Variants in RAI14 observed in about 807,000 individuals in gnomAD.
RAI14 encodes the protein retinoic acid induced 14.
A neutral mutation model predicts 115.4 loss-of-function variants in RAI14; 45 were observed. That is an observed-to-expected ratio of 0.39 (90% CI 0.31 to 0.50). The LOEUF is 0.50. Ranked by LOEUF, RAI14 falls within the 20% of genes least tolerant of loss-of-function variation. The pLI, the probability that RAI14 is intolerant of heterozygous loss-of-function variation, is 0.85. For missense variants in RAI14, 939 were observed against 1,131.2 expected (o/e 0.83, Z 2.44); for synonymous variants, 371 against 415.4 (o/e 0.89, Z 1.30).
intron 2 of RAI14, among the ~76,000 whole-genome samples, chr5:34,690,141 G>A (rs1022097699): frequency 4.6e-5 from 7 of 152,096 alleles, no homozygotes; most frequent in Non-Finnish European, 1.0e-4. Context: ...ACACGTACAT[G>A]TGTATCATGC....
chr5:34,778,912 C>A (rs1751251057), intron 3 of RAI14, among the ~76,000 whole-genome samples: 1 of 151,992 alleles, frequency 6.6e-6, no homozygotes, highest in African/African-American at 2.4e-5. Context: ...CTGGCAGAGA[C>A]ACAACAAAAA....
intron 2 of RAI14, among the ~76,000 whole-genome samples, chr5:34,737,634 C>T (rs1580082853): frequency 6.6e-6 from 1 of 152,018 alleles, no homozygotes; most frequent in South Asian, 2.1e-4. Flanking sequence ...TGGCTTGCAC[C>T]TGTAGTCTCA....
At chr5:34,789,593 CT>C (rs1175807231) in intron 3 of RAI14, among the ~76,000 whole-genome samples, 1 of 152,138 alleles carries the variant, frequency 6.6e-6, no homozygotes, top group Non-Finnish European at 1.5e-5. Flanking sequence ...TTTGCCCCTC[CT>C]TTCCCCTCTC....
intron 1 of RAI14, among the ~76,000 whole-genome samples, chr5:34,661,778 C>T (rs1742706943): frequency 6.6e-6 from 1 of 152,162 alleles, no homozygotes; most frequent in African/African-American, 2.4e-5. Context: ...TTCCACACGA[C>T]ATCTGCAGTA....
chr5:34,824,185 T>G lies in RAI14; in HGVS notation c.2343T>G (p.Asp781Glu). ...QLLEEKAAMT[D>E]AMVPRSSYEK... The stretch of plus-strand genomic sequence containing the variant: ...TAGAAGAGAAAGCTGCTATGACTGA[T>G]GCAATGGTACCTCGGTCTTCCTATG... The change falls in exon 15 of 18, where the codon GAT (aspartate) becomes GAG (glutamate). Residue 781 changes from aspartate (D) to glutamate (E), a missense_variant. Transcript: ENST00000265109. 1 of 1,614,200 alleles carries G rather than the reference T, an allele frequency of 6.2e-7. No homozygotes were observed. Among genetic ancestry groups the G allele is most frequent in the Non-Finnish European group, 8.5e-7 (1 of 1,180,026 alleles).
At chr5:34,808,405 A>G (rs1755174301) in intron 6 of RAI14, among the ~76,000 whole-genome samples, 179 bp from the exon 7 acceptor site, 1 of 152,244 alleles carries the variant, frequency 6.6e-6, no homozygotes, top group Non-Finnish European at 1.5e-5. Flanking sequence ...CTCTGAAATT[A>G]AGCAGTAATT....
chr5:34,728,232 T>C (rs1172250913), intron 2 of RAI14, among the ~76,000 whole-genome samples: 1 of 152,186 alleles, frequency 6.6e-6, no homozygotes, highest in Non-Finnish European at 1.5e-5. Context: ...TACTGGCTCA[T>C]GGATGGAAGG....
chr5:34,760,776 G>T (rs1419462337), intron 3 of RAI14, among the ~76,000 whole-genome samples: 1 of 152,120 alleles, frequency 6.6e-6, no homozygotes, highest in African/African-American at 2.4e-5. Context: ...CCATTTTAAA[G>T]TATACAATGT....
rs186293160 is a variant in RAI14 at position 34,779,742 on chromosome 5, G to A, written c.168-16197G>A. On this transcript the variant is annotated intron_variant, in intron 3 of 17. Transcript: ENST00000265109. ...AGAGGACACAAACAAATGGAAGAACGTTCCATGCTGGTGGATAGGAAGAAT... is the reference window on the plus strand; with the variant it reads ...AGAGGACACAAACAAATGGAAGAACATTCCATGCTGGTGGATAGGAAGAAT... Among the ~76,000 whole-genome samples, 425 of 152,180 alleles carry A rather than the reference G, an allele frequency of 2.8e-3. 1 individual carries two copies. The highest frequency in any genetic ancestry group is 4.1e-3 in the Non-Finnish European group (282 of 68,004).
intron 2 of RAI14, among the ~76,000 whole-genome samples, chr5:34,721,537 G>C (rs1305762438): frequency 6.6e-6 from 1 of 151,986 alleles, no homozygotes; most frequent in African/African-American, 2.4e-5. Flanking sequence ...GCTCAAAAAA[G>C]TAAACCTCTG....
Position 34,830,727 on chromosome 5 carries a change from A to G in RAI14, c.2905A>G (p.Ile969Val). The G allele has an allele frequency of 6.2e-7, 1 of 1,614,168 alleles. No individual in the cohort carries two copies. The highest frequency in any genetic ancestry group is 1.7e-5 in the Admixed American group (1 of 60,022). The part of the protein sequence containing the change: ...DEDVQKVLKQ[I>V]LTMCKNQSQK... Reference sequence around the variant, plus strand: ...AGATGTCCAGAAAGTACTGAAGCAAATCCTTACCATGTGTAAAAACCAGTC... The same window carrying G: ...AGATGTCCAGAAAGTACTGAAGCAAGTCCTTACCATGTGTAAAAACCAGTC... The change falls in exon 18 of 18, where the codon ATC becomes GTC. Residue 969 changes from isoleucine (I) to valine (V), a missense_variant. Physicochemically the swap from Ile to Val is conservative, Grantham distance 29. Transcript: ENST00000265109.
chr5:34,776,814 C>CAACAAAAAAAAAAA (rs1750913860), intron 3 of RAI14, among the ~76,000 whole-genome samples: 6 of 105,140 alleles, frequency 5.7e-5, no homozygotes, highest in Non-Finnish European at 1.2e-4. Context: ...ATTAAAAAAA[C>CAACAAAAAAAAAAA]CCACCAAAAC....
At chr5:34,752,703 A>ATATGTGTGTG (rs1554051436) in intron 2 of RAI14, among the ~76,000 whole-genome samples, 4 of 83,012 alleles carry the variant, frequency 4.8e-5, no homozygotes, top group African/African-American at 2.3e-4. Flanking sequence ...TCTTACATAT[A>ATATGTGTGTG]TGTGTGTGTG....
chr5:34,789,095 C>T (rs1752643135), intron 3 of RAI14, among the ~76,000 whole-genome samples: 1 of 152,172 alleles, frequency 6.6e-6, no homozygotes. Context: ...GGACACAGGC[C>T]ATGAGAGGGC....
chr5:34,709,451 T>TAAA (rs1168252373), intron 2 of RAI14, among the ~76,000 whole-genome samples: 3 of 151,818 alleles, frequency 2.0e-5, no homozygotes, highest in Non-Finnish European at 4.4e-5. Flanking sequence ...GGTCTCCAAT[T>TAAA]AAAAAAAAGA....
chr5:34,760,256 C>G (rs1748455643), intron 3 of RAI14, among the ~76,000 whole-genome samples: 1 of 152,108 alleles, frequency 6.6e-6, no homozygotes, highest in South Asian at 2.1e-4. Flanking sequence ...ACCATGTTGG[C>G]CAGGATGGTC....
In RAI14 at chr5:34,832,394, G is replaced by A. The variant is rs1481879885; in HGVS notation, c.*1629G>A. 6.6e-6 allele frequency: 1 copy of A among 152,622 alleles called. No homozygotes were observed. The allele number at this position is 152,622 out of a possible 1,614,324, so 9.5% of individuals were successfully genotyped here. A position where few individuals can be genotyped will look rare whatever the true frequency, so the allele number is the denominator to read the frequency against. Reference sequence around the variant, plus strand: ...ACAGCACTTCAGAAAATACACAACAGCCCCTTCTGCCCCCGCACAGAAATG... The same window carrying A: ...ACAGCACTTCAGAAAATACACAACAACCCCTTCTGCCCCCGCACAGAAATG... On this transcript the variant is annotated 3_prime_UTR_variant, in exon 18 of 18. Transcript: ENST00000265109.
At position 34,812,189 on chromosome 5, in the gene RAI14, C is replaced by A; in HGVS notation, c.746C>A (p.Thr249Asn). Residue 249 changes from threonine (T) to asparagine (N), a missense_variant, in exon 10 of 18, where the codon ACC becomes AAC. Coordinates refer to ENST00000265109, the MANE Select transcript of RAI14 (RefSeq NM_015577.3). ...ACTTTTTCCTCTATAGATTTAAAGACCCCAACAAAACCAAAGCAGGTATTT... is the reference window on the plus strand; with the variant it reads ...ACTTTTTCCTCTATAGATTTAAAGAACCCAACAAAACCAAAGCAGGTATTT... ...SKISQDADLKTPTKPKQHDQV... is the reference protein window; with the variant it reads ...SKISQDADLKNPTKPKQHDQV... 1 of 1,582,260 alleles carries A rather than the reference C, an allele frequency of 6.3e-7. No individual in the cohort carries two copies. Among genetic ancestry groups the A allele is most frequent in the African/African-American group, 1.4e-5 (1 of 73,730 alleles).
Position 34,656,368 on chromosome 5 carries a change from A to C in RAI14, c.-156A>C, listed in dbSNP as rs1364424734. On this transcript the variant is annotated 5_prime_UTR_variant, in exon 1 of 18. Coordinates refer to ENST00000265109, the MANE Select transcript of RAI14 (RefSeq NM_015577.3). ...GGGGGAGGAGGAGGGACTGCGGCGC[A>C]GGAAGCCGAGCAGGAAGCGAGCCCG... 2 of 151,956 alleles carry C rather than the reference A, an allele frequency of 1.3e-5. No individual in the cohort carries two copies. The highest frequency in any genetic ancestry group is 2.9e-5 in the Non-Finnish European group (2 of 67,968). The allele number at this position is 151,956 out of a possible 1,614,324, so 9.4% of individuals were successfully genotyped here.
Sources: gnomAD v4.1 joint callset for allele counts (sites outside exome capture counted in the v4.1 genomes callset) on GRCh38, gnomAD v4.1.1 for gene constraint, MANE v1.5 for transcripts, NCBI Gene and HGNC (gene_info 2026-07-23, HGNC 2026-07-21) for gene names.